CACNA2D3: variants seen among roughly 807,000 people sequenced by gnomAD.
CACNA2D3 encodes the protein voltage-dependent calcium channel subunit alpha-2/delta-3.
Under a neutral mutation model 160.6 loss-of-function variants are expected in CACNA2D3, and 60 were observed. The ratio of observed to expected loss-of-function variants is 0.37; its 90% CI spans 0.30 to 0.46. The LOEUF is 0.46. Among genes scored for constraint, CACNA2D3 ranks in the 20% least tolerant of loss-of-function variants. The probability of loss-of-function intolerance (pLI) is 1.00; values close to 1 mark genes in which losing one functional copy is unlikely to be tolerated. For missense variants in CACNA2D3, 1,205 were observed against 1,365.0 expected (o/e 0.88, Z 1.85); for synonymous variants, 558 against 492.9 (o/e 1.13, Z -1.75).
intron 4 of CACNA2D3, among the ~76,000 whole-genome samples, chr3:54,496,482 C>A (rs1701204920): frequency 6.6e-6 from 1 of 152,080 alleles, no homozygotes; most frequent in African/African-American, 2.4e-5. Flanking sequence ...AAATCTTTTG[C>A]CCATATTTTG....
intron 18 of CACNA2D3, among the ~76,000 whole-genome samples, chr3:54,878,327 A>C (rs1575526264): frequency 1.3e-5 from 2 of 152,030 alleles, no homozygotes; most frequent in South Asian, 4.1e-4. Flanking sequence ...ATCTTTCATC[A>C]CTGCGTCTGC....
Position 54,636,725 on chromosome 3 carries a change from G to A in CACNA2D3, c.1054-5403G>A, listed in dbSNP as rs181920558. 2.6e-3 allele frequency among the ~76,000 whole-genome samples: 400 copies of A among 152,012 alleles called. 6 individuals are homozygous for A. Among genetic ancestry groups the A allele is most frequent in the African/African-American group, 9.3e-3 (386 of 41,344 alleles). ...GAGTTGTTGTTTTGTAAGGGATTGA[G>A]GTTTGGGAGATTAATCGGACACGAT... On this transcript the variant is annotated intron_variant, in intron 10 of 37. Transcript: ENST00000474759.
chr3:54,791,058 C>G (rs753805472), intron 13 of CACNA2D3, among the ~76,000 whole-genome samples: 5 of 148,148 alleles, frequency 3.4e-5, no homozygotes, highest in Non-Finnish European at 4.5e-5. Context: ...TTTTAACTTT[C>G]TGTTATGGGT....
chr3:54,511,560 T>C (rs1177913663), intron 5 of CACNA2D3, among the ~76,000 whole-genome samples: 2 of 152,254 alleles, frequency 1.3e-5, no homozygotes, highest in Non-Finnish European at 2.9e-5. Flanking sequence ...GTATACCTAA[T>C]GAAGTAATTA....
Position 55,062,602 on chromosome 3 carries a change from C to T in CACNA2D3, c.2988-10843C>T, listed in dbSNP as rs184764551. ...AAAGGAAGACAGTAGCTGGCCTACT[C>T]ACTATACTGTATTGATGATTAAATC... On this transcript the variant is annotated intron_variant, in intron 35 of 37. Coordinates refer to ENST00000474759, the MANE Select transcript of CACNA2D3 (RefSeq NM_018398.3). Among the ~76,000 whole-genome samples, 15 of 152,316 alleles carry T rather than the reference C, an allele frequency of 9.8e-5. 1 individual carries two copies. The highest frequency in any genetic ancestry group is 5.2e-4 in the Admixed American group (8 of 15,306).
At chr3:54,674,279 A>G (rs1559545724) in intron 11 of CACNA2D3, among the ~76,000 whole-genome samples, 2 of 152,182 alleles carry the variant, frequency 1.3e-5, no homozygotes, top group Non-Finnish European at 2.9e-5. Context: ...AAGGGGAGCC[A>G]CAGAGCCTGA....
intron 13 of CACNA2D3, among the ~76,000 whole-genome samples, chr3:54,809,857 C>T (rs1022254579): frequency 6.6e-6 from 1 of 151,864 alleles, no homozygotes; most frequent in Admixed American, 6.6e-5. Context: ...AGGTATAGTC[C>T]CTAGGAATAC....
At chr3:54,370,041 G>A (rs756795023) in intron 3 of CACNA2D3, among the ~76,000 whole-genome samples, 10 of 152,118 alleles carry the variant, frequency 6.6e-5, no homozygotes, top group South Asian at 2.1e-4. Flanking sequence ...GTATCTTCAC[G>A]TAGCATATGA....
chr3:54,772,332 A>G (rs577200732), intron 13 of CACNA2D3, among the ~76,000 whole-genome samples: 1 of 152,072 alleles, frequency 6.6e-6, no homozygotes, highest in Non-Finnish European at 1.5e-5. Context: ...GCTTAAATAA[A>G]TAGCTTAAAA....
At chr3:54,171,044 G>A (rs769600751) in intron 2 of CACNA2D3, among the ~76,000 whole-genome samples, 1 of 150,554 alleles carries the variant, frequency 6.6e-6, no homozygotes, top group Non-Finnish European at 1.5e-5. Context: ...GTTCCTGAAG[G>A]ACCTTACACA....
chr3:54,637,980 G>A (rs896775262), intron 10 of CACNA2D3: 1 of 152,100 alleles, frequency 6.6e-6, no homozygotes, highest in African/African-American at 2.4e-5. Context: ...GAAACGTCTG[G>A]CTGCTACAGT....
chr3:54,390,089 G>T (rs180965777), intron 4 of CACNA2D3, among the ~76,000 whole-genome samples: 5 of 152,288 alleles, frequency 3.3e-5, no homozygotes, highest in Admixed American at 2.0e-4. Flanking sequence ...TGGCTCATGT[G>T]GTCAGTTTTA....
intron 13 of CACNA2D3, among the ~76,000 whole-genome samples, chr3:54,815,334 A>T (rs930099182): frequency 6.6e-6 from 1 of 152,180 alleles, no homozygotes; most frequent in Admixed American, 6.5e-5. Flanking sequence ...CATTTTGGAG[A>T]CATCTCTGAG....
intron 35 of CACNA2D3, among the ~76,000 whole-genome samples, chr3:55,035,876 A>G (rs1703805510): frequency 6.6e-6 from 1 of 152,206 alleles, no homozygotes; most frequent in Admixed American, 6.5e-5. Context: ...ATTCAGACAG[A>G]CTGTCCAGTA....
chr3:55,065,296 AT>A, intron 35 of CACNA2D3, among the ~76,000 whole-genome samples: 1 of 152,226 alleles, frequency 6.6e-6, no homozygotes, highest in Non-Finnish European at 1.5e-5. Flanking sequence ...GTAGTCCCAG[AT>A]TTAGGGGAGG....
chr3:54,663,212 G>A (rs969159643), intron 11 of CACNA2D3, among the ~76,000 whole-genome samples: 3 of 152,206 alleles, frequency 2.0e-5, no homozygotes, highest in African/African-American at 7.2e-5. Flanking sequence ...CAATGACTTA[G>A]TTGTAGAATT....
At chr3:54,681,263 A>C (rs970020537) in intron 11 of CACNA2D3, among the ~76,000 whole-genome samples, 1 of 151,506 alleles carries the variant, frequency 6.6e-6, no homozygotes, top group Admixed American at 6.6e-5. Context: ...GAGACCAGGC[A>C]CGGTGGCTCA....
At chr3:54,466,444 A>G (rs916447443) in intron 4 of CACNA2D3, among the ~76,000 whole-genome samples, 6 of 152,232 alleles carry the variant, frequency 3.9e-5, no homozygotes, top group Non-Finnish European at 8.8e-5. Context: ...AAAGGAAAAC[A>G]AAACAGTAAT....
chr3:54,398,240 C>T (rs1699391158), intron 4 of CACNA2D3, among the ~76,000 whole-genome samples: 1 of 127,036 alleles, frequency 7.9e-6, no homozygotes, highest in Non-Finnish European at 1.6e-5. Flanking sequence ...TTCCTGAATA[C>T]AGCACACTGA....
Sources: allele counts gnomAD v4.1 joint callset (sites outside exome capture counted in the v4.1 genomes callset), GRCh38; gene constraint gnomAD v4.1.1; transcripts MANE v1.5; gene names NCBI Gene and HGNC (gene_info 2026-07-23, HGNC 2026-07-21).